CUX2: variants seen among roughly 807,000 people sequenced by gnomAD.
CUX2 encodes homeobox protein cut-like 2.
Under a neutral mutation model 144.8 loss-of-function variants are expected in CUX2, and 40 were observed. The ratio of observed to expected loss-of-function variants is 0.28; its 90% CI spans 0.21 to 0.36. The LOEUF (loss-of-function observed/expected upper bound fraction) is 0.36. Ranked by LOEUF, CUX2 falls within the 10% of genes least tolerant of loss-of-function variation. The pLI, the probability that CUX2 is intolerant of heterozygous loss-of-function variation, is 1.00. For synonymous variants in CUX2, 827 were observed against 875.6 expected (o/e 0.94, Z 0.98); for missense variants, 1,615 against 1,994.0 (o/e 0.81, Z 3.62).
At chr12:111,115,491 T>G (rs1452240404) in intron 1 of CUX2, among the ~76,000 whole-genome samples, 1 of 152,084 alleles carries the variant, frequency 6.6e-6, no homozygotes, top group East Asian at 1.9e-4. Context: ...TTCACCATGT[T>G]AGCCAGGATG....
At chr12:111,269,883 T>C (rs555664716) in intron 4 of CUX2, among the ~76,000 whole-genome samples, 1 of 152,034 alleles carries the variant, frequency 6.6e-6, no homozygotes, top group Non-Finnish European at 1.5e-5. Flanking sequence ...TCCCCAGAAA[T>C]GCAGGGGCGG....
chr12:111,134,618 C>CTGTGTGTG (rs773865569), intron 1 of CUX2, among the ~76,000 whole-genome samples: 52 of 146,232 alleles, frequency 3.6e-4, no homozygotes, highest in African/African-American at 1.2e-3. Flanking sequence ...CTCTCTCTCT[C>CTGTGTGTG]TCTGTGTGTG....
In CUX2 at chr12:111,132,964, A is replaced by G. The variant is rs192336177; in HGVS notation, c.64-81236A>G. ...TTTTTTCTGCCAGATACCCTAAATC[A>G]TCTCTCTCAAGTTCAAAGTTCCAAA... On this transcript the variant is annotated intron_variant, in intron 1 of 21. Transcript: ENST00000261726. 5.9e-5 allele frequency among the ~76,000 whole-genome samples: 9 copies of G among 152,224 alleles called. No individual in the cohort carries two copies. In the East Asian group the frequency reaches 1.7e-3, roughly 29 times the overall value.
intron 1 of CUX2, among the ~76,000 whole-genome samples, chr12:111,210,427 A>G (rs1236699714): frequency 6.6e-6 from 1 of 152,144 alleles, no homozygotes; most frequent in Non-Finnish European, 1.5e-5. Flanking sequence ...CTGAGCTGTG[A>G]AATCCAAAAT....
intron 1 of CUX2, among the ~76,000 whole-genome samples, chr12:111,138,922 A>G (rs1367826339): frequency 6.6e-6 from 1 of 151,672 alleles, no homozygotes; most frequent in African/African-American, 2.4e-5. Context: ...ATTTCCACCC[A>G]GCTCCTCTCC....
rs1945935102 is a variant in CUX2, at chr12:111,263,927, TG to T, written c.301+92del. The T allele has an allele frequency of 7.8e-7, 1 of 1,283,742 alleles. No homozygotes were observed. The highest frequency in any genetic ancestry group is 1.5e-5 in the African/African-American group (1 of 68,260). The allele number at this position is 1,283,742 out of a possible 1,614,324, so 79.5% of individuals were successfully genotyped here. On this transcript the variant is annotated intron_variant, in intron 4 of 21. Transcript: ENST00000261726. This position sits in a 1 kb window ranked among gnomAD's most constrained non-coding sequence, Gnocchi z 4.0. ...GACACAGGGACTTTGAGGTGGGATG[TG>T]GGGACATGCCTGGGCTCCTGGGTGA...
chr12:111,340,422 T>C (rs1380103663), intron 20 of CUX2, among the ~76,000 whole-genome samples: 1 of 151,924 alleles, frequency 6.6e-6, no homozygotes, highest in East Asian at 1.9e-4. Flanking sequence ...CTAGAGGATA[T>C]TGTAGGCTAG....
intron 1 of CUX2, among the ~76,000 whole-genome samples, chr12:111,181,108 A>G (rs2136180809): frequency 6.6e-6 from 1 of 152,372 alleles, no homozygotes; most frequent in South Asian, 2.1e-4. Flanking sequence ...TGAAATAACC[A>G]GGCGGAATAT....
intron 1 of CUX2, among the ~76,000 whole-genome samples, chr12:111,183,030 A>G (rs1002996072): frequency 3.3e-5 from 5 of 152,114 alleles, no homozygotes; most frequent in Admixed American, 2.0e-4. Context: ...TTATAATTCT[A>G]CCTGTTTGGG....
intron 1 of CUX2, among the ~76,000 whole-genome samples, chr12:111,070,969 T>C (rs1468802712): frequency 6.6e-6 from 1 of 152,186 alleles, no homozygotes; most frequent in East Asian, 1.9e-4. Flanking sequence ...CAAATAATAT[T>C]CCATTGTCTG....
Position 111,320,560 on chromosome 12 carries a change from GAGCTCA to G in CUX2, c.2554_2559del (p.Leu852_Lys853del), listed in dbSNP as rs1565917846. ...GGAGGACGAACCCCCCAGGACGGGC[GAGCTCA>G]AGGCTGAGGGCGCGACGGCCGAGGC... On this transcript the variant is annotated inframe_deletion, in exon 17 of 22. Coordinates refer to ENST00000261726, the MANE Select transcript of CUX2 (RefSeq NM_015267.4). The surrounding 1 kb of genome is among the most constrained non-coding windows in gnomAD (Gnocchi z 8.1). 2 of 1,534,886 alleles carry G rather than the reference GAGCTCA, an allele frequency of 1.3e-6. No individual in the cohort carries two copies. Among genetic ancestry groups the G allele is most frequent in the South Asian group, 2.4e-5 (2 of 83,440 alleles).
At chr12:111,345,902 G>C (rs929931458) in intron 21 of CUX2, among the ~76,000 whole-genome samples, 37 of 145,424 alleles carry the variant, frequency 2.5e-4, no homozygotes, top group African/African-American at 8.7e-4. Context: ...TTGAGGTCAG[G>C]AGTTCAAAAC....
intron 4 of CUX2, among the ~76,000 whole-genome samples, chr12:111,279,732 C>T (rs185063882): frequency 6.6e-6 from 1 of 152,262 alleles, no homozygotes; most frequent in Admixed American, 6.5e-5. Flanking sequence ...GCCTGTAATC[C>T]CAGCACTTTG....
chr12:111,165,612 T>C (rs1455038416), intron 1 of CUX2, among the ~76,000 whole-genome samples: 1 of 152,184 alleles, frequency 6.6e-6, no homozygotes, highest in Non-Finnish European at 1.5e-5. Context: ...CTGGGCCTCA[T>C]TGTCCTTGTC....
chr12:111,305,399 G>A (rs1886524816), intron 10 of CUX2, among the ~76,000 whole-genome samples: 1 of 152,128 alleles, frequency 6.6e-6, no homozygotes, highest in African/African-American at 2.4e-5. Context: ...TTTGAATATT[G>A]GAATGAGTCT....
At chr12:111,265,868 G>A (rs1884363859) in intron 4 of CUX2, among the ~76,000 whole-genome samples, 1 of 152,106 alleles carries the variant, frequency 6.6e-6, no homozygotes, top group Admixed American at 6.5e-5. Context: ...CTGGGGGCCT[G>A]TGAAGAGGAA....
intron 1 of CUX2, among the ~76,000 whole-genome samples, chr12:111,055,042 TCGTA>T (rs1293329038): frequency 6.6e-6 from 1 of 152,232 alleles, no homozygotes; most frequent in Non-Finnish European, 1.5e-5. Context: ...CAGTCCATGT[TCGTA>T]CGCTCTCCTG....
chr12:111,321,080 C>G (rs1482467590), intron 17 of CUX2, among the ~76,000 whole-genome samples: 3 of 152,176 alleles, frequency 2.0e-5, no homozygotes, highest in African/African-American at 7.2e-5. Context: ...GCCTGTAATC[C>G]CAGCACTTTG....
At chr12:111,328,583 TG>T (rs1214966284) in intron 18 of CUX2, among the ~76,000 whole-genome samples, 22 of 110,822 alleles carry the variant, frequency 2.0e-4, no homozygotes, top group Non-Finnish European at 3.4e-4. Context: ...ATTTCTTTTG[TG>T]TGTGTGTGTG....
Sources: allele counts gnomAD v4.1 joint callset (sites outside exome capture counted in the v4.1 genomes callset), GRCh38; gene constraint gnomAD v4.1.1; non-coding constraint Gnocchi (gnomAD v3.1); transcripts MANE v1.5; gene names NCBI Gene and HGNC (gene_info 2026-07-23, HGNC 2026-07-21).